FAXC: variants seen among roughly 807,000 people sequenced by gnomAD.
FAXC encodes failed axon connections homolog, metaxin like GST domain containing.
FAXC carries 10 observed loss-of-function variants against 41.9 expected under a neutral mutation model. That is an observed-to-expected ratio of 0.24 (90% CI 0.15 to 0.41). FAXC has a LOEUF of 0.41. FAXC is among the 10% of genes least tolerant of loss of function. FAXC has a pLI of 1.00. For synonymous variants in FAXC, 183 were observed against 183.8 expected, an observed-to-expected ratio of 1.00 and a Z score of 0.03; for missense variants, 399 against 510.9, an observed-to-expected ratio of 0.78 and a Z score of 2.11.
At position 99,288,963 on chromosome 6, in the gene FAXC, T is replaced by C. The variant is rs118123998; in HGVS notation, c.940+2741A>G. ...ACTGCTTGCCTGCCTCAGTTTCTTGTATGATTCTGCCTTGCTTGGTTCCAT... is the reference window on the plus strand; with the variant it reads ...ACTGCTTGCCTGCCTCAGTTTCTTGCATGATTCTGCCTTGCTTGGTTCCAT... On this transcript the variant is annotated intron_variant, in intron 5 of 5. Coordinates refer to ENST00000389677, the MANE Select transcript of FAXC (RefSeq NM_032511.4). Among the ~76,000 whole-genome samples the C allele has an allele frequency of 4.5e-3, 691 of 152,178 alleles. 2 individuals are homozygous for C. Among genetic ancestry groups the C allele is most frequent in the Non-Finnish European group, 7.7e-3 (521 of 68,000 alleles).
intron 4 of FAXC, among the ~76,000 whole-genome samples, chr6:99,298,772 C>T (rs890966146): frequency 6.6e-6 from 1 of 152,160 alleles, no homozygotes; most frequent in African/African-American, 2.4e-5. Context: ...AATGTGAAAG[C>T]ATTTTGCAAG....
At chr6:99,331,757 C>T (rs905271133) in intron 3 of FAXC, among the ~76,000 whole-genome samples, 2 of 152,302 alleles carry the variant, frequency 1.3e-5, no homozygotes, top group African/African-American at 2.4e-5. Flanking sequence ...ACATGGGTCA[C>T]GTGGCCTTGT....
chr6:99,306,761 G>A (rs1290529341), intron 4 of FAXC, among the ~76,000 whole-genome samples: 1 of 152,104 alleles, frequency 6.6e-6, no homozygotes, highest in Non-Finnish European at 1.5e-5. Flanking sequence ...GGTGTCCCTG[G>A]GCAAGTTACT....
At chr6:99,289,312 G>A (rs4840027) in intron 5 of FAXC, among the ~76,000 whole-genome samples, 7 of 152,038 alleles carry the variant, frequency 4.6e-5, no homozygotes, top group Non-Finnish European at 7.4e-5. Flanking sequence ...GATGCTCCTC[G>A]ACTTACGTGG....
chr6:99,349,111 T>C lies in FAXC; in HGVS notation c.262A>G (p.Ile88Val). The C allele has an allele frequency of 6.2e-7, 1 of 1,613,434 alleles. No individual in the cohort carries two copies. Among genetic ancestry groups the C allele is most frequent in the Non-Finnish European group, 8.5e-7 (1 of 1,179,926 alleles). ...AAYLLHELLV[I>V]RKQQEIDSKD... ...GGGGCCCTCTCTCCGGCTCACCTAA[T>C]GACCAGGAGTTCGTGGAGCAGATAC... The change falls in exon 1 of 6, where the codon ATT becomes GTT. Residue 88 changes from isoleucine to valine, a missense_variant. Physicochemically the swap from Ile to Val is conservative, Grantham distance 29. Around this residue, in one of 3 missense-constraint regions of FAXC, gnomAD observed 239 missense variants for 352.7 expected, o/e 0.68. Coordinates refer to ENST00000389677, the MANE Select transcript of FAXC (RefSeq NM_032511.4).
At chr6:99,318,484 G>T (rs754676733) in intron 4 of FAXC, among the ~76,000 whole-genome samples, 1 of 152,088 alleles carries the variant, frequency 6.6e-6, no homozygotes, top group Non-Finnish European at 1.5e-5. Context: ...TTTAAAAATT[G>T]CAGTGACTTA....
chr6:99,344,945 ATATATAT>A (rs1269274259), intron 1 of FAXC, among the ~76,000 whole-genome samples: 2 of 152,192 alleles, frequency 1.3e-5, no homozygotes, highest in African/African-American at 4.8e-5. Context: ...TAATGACTTT[ATATATAT>A]TATATATGTT....
intron 4 of FAXC, among the ~76,000 whole-genome samples, chr6:99,292,253 C>A (rs1338607830): frequency 6.6e-6 from 1 of 152,178 alleles, no homozygotes; most frequent in African/African-American, 2.4e-5. Context: ...TATATTTCCC[C>A]AGGAAAAACA....
intron 5 of FAXC, among the ~76,000 whole-genome samples, chr6:99,282,978 G>A (rs888538479): frequency 2.6e-5 from 4 of 151,966 alleles, no homozygotes; most frequent in Non-Finnish European, 4.4e-5. Flanking sequence ...ACTTAACAAC[G>A]TATAATAAAA....
chr6:99,291,222 T>C (rs1771226220), intron 5 of FAXC, among the ~76,000 whole-genome samples: 1 of 152,094 alleles, frequency 6.6e-6, no homozygotes, highest in Non-Finnish European at 1.5e-5. Context: ...ATGTGCAACA[T>C]CGAAAAACAG....
chr6:99,290,711 A>T (rs780005345), intron 5 of FAXC, among the ~76,000 whole-genome samples: 39 of 151,656 alleles, frequency 2.6e-4, no homozygotes, highest in South Asian at 1.9e-3. Context: ...CAAAAATAAA[A>T]AATAATAATA....
intron 4 of FAXC, among the ~76,000 whole-genome samples, chr6:99,310,254 T>A (rs1772104930): frequency 6.6e-6 from 1 of 152,236 alleles, no homozygotes; most frequent in African/African-American, 2.4e-5. Context: ...CTAGATTTTA[T>A]CACCTCCTCT....
rs1328389651 is a variant in FAXC, at chr6:99,275,638, T to A, written c.*5526A>T. 1 of 152,166 alleles carries A rather than the reference T, an allele frequency of 6.6e-6. No homozygotes were observed. The highest frequency in any genetic ancestry group is 6.5e-5 in the Admixed American group (1 of 15,272). 9.4% of individuals were successfully genotyped at this position (152,166 alleles called of 1,614,324 possible). ...TCCAAAACAGCTGAACCCCTTTTTT[T>A]TAAATCTATGCTTCAGTGCCCTCTG... On this transcript the variant is annotated 3_prime_UTR_variant, in exon 6 of 6. Coordinates refer to ENST00000389677, the MANE Select transcript of FAXC (RefSeq NM_032511.4).
At chr6:99,338,657 G>A (rs1297642877) in intron 2 of FAXC, among the ~76,000 whole-genome samples, 3 of 152,190 alleles carry the variant, frequency 2.0e-5, no homozygotes, top group African/African-American at 7.2e-5. Context: ...ATAGAGACAG[G>A]TAGCTGTTGG....
At chr6:99,345,144 C>A (rs1467909938) in intron 1 of FAXC, among the ~76,000 whole-genome samples, 2 of 152,130 alleles carry the variant, frequency 1.3e-5, no homozygotes, top group Non-Finnish European at 2.9e-5. Flanking sequence ...TGCTCTTAAG[C>A]ACTTCAAGGT....
rs1442502609 is a variant in FAXC, at chr6:99,326,541, T to C, written c.600-2874A>G. On this transcript the variant is annotated intron_variant, in intron 3 of 5. Coordinates refer to ENST00000389677, the MANE Select transcript of FAXC (RefSeq NM_032511.4). ...CCCATGGAACCCCTAAGTGAAGATG[T>C]CTAGAAGGCTGAGAACTCAGGAGAC... 2.0e-5 allele frequency among the ~76,000 whole-genome samples: 3 copies of C among 152,204 alleles called. No homozygotes were observed. In the East Asian group the frequency reaches 5.8e-4, roughly 29 times the overall value.
intron 5 of FAXC, among the ~76,000 whole-genome samples, chr6:99,289,114 T>C (rs1271187620): frequency 2.6e-5 from 4 of 152,206 alleles, no homozygotes; most frequent in African/African-American, 9.6e-5. Context: ...CTCATCTACA[T>C]ACCCAGCCTG....
chr6:99,315,232 TAAAAAAAAAAAAAAA>T (rs1174982279), intron 4 of FAXC, among the ~76,000 whole-genome samples: 2 of 40,480 alleles, frequency 4.9e-5, no homozygotes, highest in Admixed American at 3.8e-4. Context: ...CACTCCATCT[TAAAAAAAAAAAAAAA>T]AAAAAAAAAA....
intron 5 of FAXC, among the ~76,000 whole-genome samples, chr6:99,285,555 A>T (rs1322655235): frequency 6.6e-6 from 1 of 152,230 alleles, no homozygotes; most frequent in Non-Finnish European, 1.5e-5. Flanking sequence ...AATATTGATT[A>T]TTCTGTGGAA....
Sources: allele counts gnomAD v4.1 joint callset (sites outside exome capture counted in the v4.1 genomes callset), GRCh38; gene constraint gnomAD v4.1.1; regional missense constraint gnomAD v4.1.1; transcripts MANE v1.5; gene names NCBI Gene and HGNC (gene_info 2026-07-23, HGNC 2026-07-21).